RAB38: variants seen among roughly 807,000 people sequenced by gnomAD.
RAB38 encodes RAB38, member RAS oncogene family.
Under a neutral mutation model 18.4 loss-of-function variants are expected in RAB38, and 15 were observed. The observed-to-expected ratio is 0.82, with a 90% CI of 0.55 to 1.26. The LOEUF (loss-of-function observed/expected upper bound fraction) is 1.26. Among genes scored for constraint, RAB38 ranks in the 50% most tolerant of loss-of-function variants. The probability of loss-of-function intolerance (pLI) is 0.00; values close to 1 mark genes in which losing one functional copy is unlikely to be tolerated. For missense variants in RAB38, 294 were observed against 267.4 expected, an observed-to-expected ratio of 1.10 and a Z score of -0.69; for synonymous variants, 101 against 104.4, an observed-to-expected ratio of 0.97 and a Z score of 0.20.
At chr11:87,847,400 A>G in the RAB38 span, among the ~76,000 whole-genome samples, 1 of 152,150 alleles carries the variant, frequency 6.6e-6, no homozygotes, top group Non-Finnish European at 1.5e-5. Context: ...CCTTTACATG[A>G]AACAGATTTC....
At chr11:88,121,020 C>A (rs932335656) in intron 2 of RAB38, among the ~76,000 whole-genome samples, 3 of 152,194 alleles carry the variant, frequency 2.0e-5, no homozygotes, top group Non-Finnish European at 2.9e-5. Context: ...CTGAGCCTCA[C>A]AGGGAATATG....
At chr11:88,045,421 C>T in the RAB38 span, among the ~76,000 whole-genome samples, 6 of 152,204 alleles carry the variant, frequency 3.9e-5, no homozygotes, top group Non-Finnish European at 7.3e-5. Flanking sequence ...TGAACTGCGG[C>T]GGCCAGGCAT....
At chr11:88,032,575 C>T in the RAB38 span, among the ~76,000 whole-genome samples, 1 of 152,232 alleles carries the variant, frequency 6.6e-6, no homozygotes, top group Admixed American at 6.5e-5. Context: ...AGGAAATGGA[C>T]AGACATTTCT....
chr11:88,024,681 A>G, the RAB38 span, among the ~76,000 whole-genome samples: 1 of 152,316 alleles, frequency 6.6e-6, no homozygotes, highest in African/African-American at 2.4e-5. Context: ...GTAATGTAGT[A>G]CTATTCAGCT....
In RAB38 at chr11:88,149,869, T is replaced by G; in HGVS notation, c.289A>C (p.Thr97Pro). 2 of 1,614,110 alleles carry G rather than the reference T, an allele frequency of 1.2e-6. No homozygotes were observed. The highest frequency in any genetic ancestry group is 8.5e-7 in the Non-Finnish European group (1 of 1,180,022). The change falls in exon 2 of 3, where the codon ACA (threonine) becomes CCA (proline). Residue 97 changes from threonine (T) to proline (P), a missense_variant. Transcript: ENST00000243662. ...FIVFDVTRPA[T>P]FEAVAKWKND... is the part of the protein sequence containing the mutation. ...TTCCACTTTGCCACTGCTTCAAATG[T>G]GGCTGGCCTGGTGACATCGAAGACA...
At chr11:87,833,168 A>G in the RAB38 span, among the ~76,000 whole-genome samples, 11 of 152,064 alleles carry the variant, frequency 7.2e-5, no homozygotes, top group Non-Finnish European at 1.2e-4. Flanking sequence ...TACAACTTCC[A>G]TTGTTCTGAC....
At chr11:88,078,501 A>ATATGTGTGTGTGTG in the RAB38 span, among the ~76,000 whole-genome samples, 44,723 of 148,524 alleles carry the variant, frequency 0.3, 7,410 homozygotes, top group Non-Finnish European at 0.38. Context: ...GTGTGTATAT[A>ATATGTGTGTGTGTG]TGTGTGTGTG....
At chr11:87,941,639 A>T in the RAB38 span, among the ~76,000 whole-genome samples, 1 of 152,172 alleles carries the variant, frequency 6.6e-6, no homozygotes, top group Non-Finnish European at 1.5e-5. Flanking sequence ...GAAGAAAGGC[A>T]TGGACACTTC....
chr11:88,115,423 C>T (rs575703527), intron 2 of RAB38: 1 of 152,278 alleles, frequency 6.6e-6, no homozygotes, highest in Middle Eastern at 3.4e-3. Context: ...GTACTGTTGG[C>T]TTCCAAATGG....
chr11:88,078,899 A>T, the RAB38 span, among the ~76,000 whole-genome samples: 5 of 152,124 alleles, frequency 3.3e-5, no homozygotes, highest in South Asian at 1.0e-3. Context: ...TAGCATAAAG[A>T]AAAGATAAAT....
the RAB38 span, among the ~76,000 whole-genome samples, chr11:87,906,775 T>G: frequency 6.6e-6 from 1 of 151,894 alleles, no homozygotes; most frequent in Admixed American, 6.6e-5. Context: ...AGCTTCTTCA[T>G]GTTTATGGAA....
the RAB38 span, among the ~76,000 whole-genome samples, chr11:87,936,190 G>T: frequency 1.3e-5 from 2 of 151,744 alleles, no homozygotes; most frequent in African/African-American, 4.8e-5. Flanking sequence ...TCGTGCTTTT[G>T]GTGTCAAGTC....
At chr11:88,049,360 C>T in the RAB38 span, among the ~76,000 whole-genome samples, 2 of 152,108 alleles carry the variant, frequency 1.3e-5, no homozygotes, top group South Asian at 2.1e-4. Flanking sequence ...AAACTGATGA[C>T]ATTACCTTGT....
chr11:88,155,317 A>C (rs941543801), intron 1 of RAB38, among the ~76,000 whole-genome samples: 2 of 152,348 alleles, frequency 1.3e-5, no homozygotes, highest in South Asian at 2.1e-4. Context: ...ACAAGGATCA[A>C]GTATACACCT....
At chr11:88,138,782 T>A (rs1440195627) in intron 2 of RAB38, among the ~76,000 whole-genome samples, 6 of 112,904 alleles carry the variant, frequency 5.3e-5, no homozygotes, top group African/African-American at 1.8e-4. Flanking sequence ...ATTATTCTTT[T>A]TTTTTTATTA....
chr11:87,916,226 G>A, the RAB38 span, among the ~76,000 whole-genome samples: 1 of 152,050 alleles, frequency 6.6e-6, no homozygotes, highest in Non-Finnish European at 1.5e-5. Flanking sequence ...GAGGGGCCAG[G>A]AGTGGAATGC....
chr11:88,172,619 G>GA (rs1335497336), intron 1 of RAB38, among the ~76,000 whole-genome samples: 1 of 152,162 alleles, frequency 6.6e-6, no homozygotes, highest in Non-Finnish European at 1.5e-5. Flanking sequence ...GAACACTAAG[G>GA]ACGGAGAGAT....
At chr11:87,941,205 AATATATGAGATATATATATATATATAT>A in the RAB38 span, among the ~76,000 whole-genome samples, 1 of 88,184 alleles carries the variant, frequency 1.1e-5, no homozygotes, top group Non-Finnish European at 2.2e-5. Context: ...TATTTTTATA[AATATATGAGATATATATATATATATAT>A]ATATATATAT....
At chr11:88,155,034 G>A (rs1404088681) in intron 1 of RAB38, among the ~76,000 whole-genome samples, 1 of 152,198 alleles carries the variant, frequency 6.6e-6, no homozygotes, top group Middle Eastern at 3.2e-3. Flanking sequence ...TGGATTAGGG[G>A]TTTATAGGCG....
Sources: allele counts gnomAD v4.1 joint callset (sites outside exome capture counted in the v4.1 genomes callset), GRCh38; gene constraint gnomAD v4.1.1; transcripts MANE v1.5; gene names NCBI Gene and HGNC (gene_info 2026-07-23, HGNC 2026-07-21).